Variants in LTBP1 observed in about 807,000 individuals in gnomAD.
The protein encoded by LTBP1 is latent transforming growth factor beta binding protein 1.
Under a neutral mutation model 207.6 loss-of-function variants are expected in LTBP1, and 129 were observed. The ratio of observed to expected loss-of-function variants is 0.62; its 90% confidence interval spans 0.54 to 0.72. The LOEUF is 0.72. Ranked by LOEUF, LTBP1 falls within the 30% of genes least tolerant of loss-of-function variation. The pLI, the probability that LTBP1 is intolerant of heterozygous loss-of-function variation, is 0.00. For missense variants in LTBP1, 2,281 were observed against 2,217.2 expected, an observed-to-expected ratio of 1.03 and a Z score of -0.58; for synonymous variants, 963 against 833.7, an observed-to-expected ratio of 1.16 and a Z score of -2.67.
chr2:33,019,773 T>C (rs1419831771), intron 2 of LTBP1, among the ~76,000 whole-genome samples: 1 of 152,142 alleles, frequency 6.6e-6, no homozygotes, highest in East Asian at 1.9e-4. Flanking sequence ...GGCTGGAGTG[T>C]AGTGCTGTGA....
intron 4 of LTBP1, among the ~76,000 whole-genome samples, chr2:33,133,859 T>A (rs1232158902): frequency 6.6e-6 from 1 of 152,208 alleles, no homozygotes; most frequent in African/African-American, 2.4e-5. Context: ...TGAAATGGCA[T>A]GTCCGGAGTC....
At chr2:33,289,176 T>C (rs2093726134) in intron 19 of LTBP1, among the ~76,000 whole-genome samples, 1 of 152,120 alleles carries the variant, frequency 6.6e-6, no homozygotes, top group African/African-American at 2.4e-5. Context: ...TCAATTTGGA[T>C]TGGGTGATAG....
At chr2:33,307,790 T>G (rs1376954848) in intron 22 of LTBP1, among the ~76,000 whole-genome samples, 2 of 152,256 alleles carry the variant, frequency 1.3e-5, no homozygotes, top group African/African-American at 4.8e-5. Flanking sequence ...GGAAGCATTT[T>G]AATTCTGGGT....
chr2:33,110,725 A>G lies in LTBP1; in HGVS notation c.1007A>G (p.Gln336Arg), dbSNP rs760180076. 6.2e-7 allele frequency: 1 copy of G among 1,614,144 alleles called. No homozygotes were observed. The highest frequency in any genetic ancestry group is 1.1e-5 in the South Asian group (1 of 91,056). ...GGTTCTTTCCCTTTAAGATATGTGC[A>G]GGATCAAGTTGCGGCACCTTTTCAG... ...TEGSFPLRYV[Q>R]DQVAAPFQLS... is the part of the protein sequence containing the mutation. Residue 336 changes from glutamine (Q) to arginine (R), a missense_variant, in exon 4 of 34, where the codon CAG becomes CGG. Physicochemically the swap from Gln to Arg is conservative, Grantham distance 43. Around this residue, in one of 3 missense-constraint regions of LTBP1, gnomAD observed 555 missense variants for 491.0 expected, o/e 1.13. Coordinates refer to ENST00000404816, the MANE Select transcript of LTBP1 (RefSeq NM_206943.4).
intron 5 of LTBP1, among the ~76,000 whole-genome samples, chr2:33,184,127 A>T (rs2086937742): frequency 6.6e-6 from 1 of 152,080 alleles, no homozygotes; most frequent in African/African-American, 2.4e-5. Flanking sequence ...TTTCAACTTG[A>T]ATTTCAATTG....
chr2:33,242,196 TTAAA>T (rs1293632359), intron 9 of LTBP1, among the ~76,000 whole-genome samples: 1 of 152,246 alleles, frequency 6.6e-6, no homozygotes, highest in Non-Finnish European at 1.5e-5. Context: ...TAATATTTGC[TTAAA>T]TAGTGATTGA....
At chr2:32,947,857 C>T (rs1676457998) in intron 1 of LTBP1, 39 bp downstream of exon 1, 8 of 1,274,154 alleles carry the variant, frequency 6.3e-6, no homozygotes, top group Non-Finnish European at 8.0e-6. Flanking sequence ...GCCCGCCTCG[C>T]GCGCACCGCC....
At chr2:33,089,860 A>G (rs1287500039) in intron 3 of LTBP1, among the ~76,000 whole-genome samples, 3 of 152,234 alleles carry the variant, frequency 2.0e-5, no homozygotes, top group African/African-American at 7.2e-5. Context: ...AGTGCAGTAA[A>G]CGTATACCAA....
At chr2:33,366,942 C>T (rs564497237) in intron 31 of LTBP1, among the ~76,000 whole-genome samples, 1 of 152,118 alleles carries the variant, frequency 6.6e-6, no homozygotes, top group African/African-American at 2.4e-5. Context: ...CCAAAAATCA[C>T]ATGTATTCCT....
At chr2:32,975,174 T>A (rs1426689937) in intron 2 of LTBP1, among the ~76,000 whole-genome samples, 2 of 152,250 alleles carry the variant, frequency 1.3e-5, no homozygotes, top group African/African-American at 4.8e-5. Flanking sequence ...GGTTGAAGTT[T>A]CTTTTCTTTA....
chr2:33,205,655 C>A (rs72858011), intron 7 of LTBP1, among the ~76,000 whole-genome samples: 1 of 152,126 alleles, frequency 6.6e-6, no homozygotes, highest in Non-Finnish European at 1.5e-5. Flanking sequence ...TTTCCCATAG[C>A]CCCCTGTTCA....
At chr2:33,348,712 T>C (rs976612357) in intron 26 of LTBP1, among the ~76,000 whole-genome samples, 6 of 152,166 alleles carry the variant, frequency 3.9e-5, no homozygotes, top group Admixed American at 6.5e-5. Flanking sequence ...ATGGTCTGGG[T>C]GATGCTTAGA....
At chr2:32,984,701 A>C (rs1683267680) in intron 2 of LTBP1, among the ~76,000 whole-genome samples, 2 of 151,616 alleles carry the variant, frequency 1.3e-5, no homozygotes, top group African/African-American at 4.8e-5. Context: ...CGGATGGATC[A>C]CCTGAGGTCA....
chr2:33,373,546 TATAGGGGA>T (rs1420997588), intron 31 of LTBP1, among the ~76,000 whole-genome samples: 2 of 152,208 alleles, frequency 1.3e-5, no homozygotes, highest in African/African-American at 4.8e-5. Flanking sequence ...TAGACTGTGC[TATAGGGGA>T]ATAGAAGATA....
chr2:33,222,317 G>A (rs891492918), intron 9 of LTBP1, among the ~76,000 whole-genome samples, 166 bp downstream of exon 9: 3 of 152,148 alleles, frequency 2.0e-5, no homozygotes, highest in African/African-American at 4.8e-5. Flanking sequence ...TTAAAATATG[G>A]TTATTGGAAT....
chr2:33,053,016 G>A (rs866033884), intron 3 of LTBP1, among the ~76,000 whole-genome samples: 41 of 152,010 alleles, frequency 2.7e-4, no homozygotes, highest in Middle Eastern at 3.4e-3. Context: ...GATTACAGGT[G>A]CATACCACCA....
intron 15 of LTBP1, among the ~76,000 whole-genome samples, chr2:33,264,449 G>A (rs762801987): frequency 6.6e-6 from 1 of 151,946 alleles, no homozygotes; most frequent in Non-Finnish European, 1.5e-5. Context: ...TTTTAATCAT[G>A]AGTGAAATAG....
intron 3 of LTBP1, among the ~76,000 whole-genome samples, chr2:33,041,501 C>T (rs2076184246): frequency 6.6e-6 from 1 of 152,178 alleles, no homozygotes; most frequent in Admixed American, 6.5e-5. Context: ...CCAGGCTGTT[C>T]TCGAACTCCT....
intron 22 of LTBP1, among the ~76,000 whole-genome samples, chr2:33,306,131 A>T (rs2094088046): frequency 6.6e-6 from 1 of 152,234 alleles, no homozygotes; most frequent in Non-Finnish European, 1.5e-5. Flanking sequence ...GCAAAAAAAA[A>T]TTTAAACTAA....
Sources: allele counts gnomAD v4.1 joint callset (sites outside exome capture counted in the v4.1 genomes callset), GRCh38; gene constraint gnomAD v4.1.1; regional missense constraint gnomAD v4.1.1; transcripts MANE v1.5; gene names NCBI Gene and HGNC (gene_info 2026-07-23, HGNC 2026-07-21).